SHOX2: variants seen among roughly 807,000 people sequenced by gnomAD.
SHOX2 encodes the protein short stature homeobox protein 2.
SHOX2 carries 13 observed loss-of-function variants against 31.3 expected under a neutral mutation model. That is an observed-to-expected ratio of 0.42 (90% confidence interval 0.27 to 0.66). The LOEUF (loss-of-function observed/expected upper bound fraction) is 0.66. SHOX2 is among the 30% of genes least tolerant of loss of function. SHOX2 has a pLI of 0.27. For missense variants in SHOX2, 473 were observed against 443.0 expected, an observed-to-expected ratio of 1.07 and a Z score of -0.61; for synonymous variants, 244 against 196.2, an observed-to-expected ratio of 1.24 and a Z score of -2.04.
Position 158,105,732 on chromosome 3 carries a change from T to G in SHOX2, c.293A>C (p.Asp98Ala), listed in dbSNP as rs994944733. 2.6e-6 allele frequency: 4 copies of G among 1,525,052 alleles called. No homozygotes were observed. In the African/African-American group the frequency reaches 4.3e-5, roughly 16 times the overall value. The allele number at this position is 1,525,052 out of a possible 1,614,324, so 94.5% of individuals were successfully genotyped here. Residue 98 changes from aspartate (D) to alanine (A), a missense_variant, in exon 1 of 5, where the codon GAC becomes GCC. By Grantham distance (126) the Asp-to-Ala change is moderately radical. Coordinates refer to ENST00000483851, the MANE Select transcript of SHOX2 (RefSeq NM_001163678.2). ...CCTGCTTCTCTCGGCGGCGCCCATGTCCAGCTCCCGGACGGGAGAGCGCCC... is the reference window on the plus strand; with the variant it reads ...CCTGCTTCTCTCGGCGGCGCCCATGGCCAGCTCCCGGACGGGAGAGCGCCC... ...GGGRSPVRELDMGAAERSREP... is the reference protein window; with the variant it reads ...GGGRSPVRELAMGAAERSREP...
rs549021288 is a variant in SHOX2 at position 158,102,964 on chromosome 3, ACAG to A, written c.347-81_347-79del. On this transcript the variant is annotated intron_variant, in intron 1 of 4. Coordinates refer to ENST00000483851, the MANE Select transcript of SHOX2 (RefSeq NM_001163678.2). ...CACACGCACACACACACGGACGAAA[ACAG>A]CACAGCAAATCCTGTTACCAGATTT... 2,530 of 1,260,770 alleles carry A rather than the reference ACAG, an allele frequency of 2.0e-3. 2 individuals carry two copies. The highest frequency in any genetic ancestry group is 2.6e-3 in the Non-Finnish European group (2,225 of 866,642). 78.1% of individuals were successfully genotyped at this position (1,260,770 alleles called of 1,614,324 possible).
At chr3:158,100,830 G>A (rs925514200) in intron 2 of SHOX2, among the ~76,000 whole-genome samples, 5 of 152,214 alleles carry the variant, frequency 3.3e-5, no homozygotes, top group Non-Finnish European at 7.3e-5. Context: ...CTGCTGTGCA[G>A]CAGAGTGAAA....
intron 1 of SHOX2, chr3:158,103,682 C>T (rs951760115): frequency 3.9e-5 from 6 of 152,312 alleles, no homozygotes; most frequent in Admixed American, 3.9e-4. Context: ...GGCGGAAAAC[C>T]AGCCTCCGGT....
chr3:158,103,423 C>T (rs1713641819), intron 1 of SHOX2: 1 of 182,038 alleles, frequency 5.5e-6, no homozygotes, highest in South Asian at 1.1e-4. Context: ...ACTTGCTGGT[C>T]TAATTTAGGA....
intron 1 of SHOX2, chr3:158,105,355 G>A: frequency 1.7e-6 from 1 of 590,760 alleles, no homozygotes; most frequent in Non-Finnish European, 3.0e-6. Flanking sequence ...TTCCACGTCC[G>A]CCTGCGGGCC....
Position 158,105,749 on chromosome 3 carries a change from A to G in SHOX2, c.276T>C (p.Ser92=), listed in dbSNP as rs575269948. The change falls in exon 1 of 5, where the codon TCT becomes TCC. Residue 92 remains serine (S), a synonymous_variant. Coordinates refer to ENST00000483851, the MANE Select transcript of SHOX2 (RefSeq NM_001163678.2). ...CGCCCATGTCCAGCTCCCGGACGGG[A>G]GAGCGCCCTCCTCCAGCTCCTCCGC... ...GAGGGAGGGR[S]PVRELDMGAA... 17 of 1,521,824 alleles carry G rather than the reference A, an allele frequency of 1.1e-5. No individual in the cohort carries two copies. In the South Asian group the frequency reaches 2.1e-4, roughly 18 times the overall value. 94.3% of individuals were successfully genotyped at this position (1,521,824 alleles called of 1,614,324 possible).
At chr3:158,099,011 C>G (rs1713312903) in intron 4 of SHOX2, among the ~76,000 whole-genome samples, 1 of 152,164 alleles carries the variant, frequency 6.6e-6, no homozygotes, top group Non-Finnish European at 1.5e-5. Flanking sequence ...ATGCCAGAGT[C>G]CTGTGGCACC....
chr3:158,096,763 TG>T lies in SHOX2; in HGVS notation c.*1263del, dbSNP rs1459280188. 2.6e-5 allele frequency: 4 copies of T among 151,880 alleles called. No homozygotes were observed. The highest frequency in any genetic ancestry group is 9.7e-5 in the African/African-American group (4 of 41,300). The allele number at this position is 151,880 out of a possible 1,614,324, so 9.4% of individuals were successfully genotyped here. A position where few individuals can be genotyped will look rare whatever the true frequency, so the allele number is the denominator to read the frequency against. On this transcript the variant is annotated 3_prime_UTR_variant, in exon 5 of 5. Coordinates refer to ENST00000483851, the MANE Select transcript of SHOX2 (RefSeq NM_001163678.2). ...GGCGCTGTACCTTCATTATTTCATT[TG>T]GTGGTCTTGTTTTCTTTTTCCTTTC...
chr3:158,103,068 T>A, intron 1 of SHOX2, 182 bp from the exon 2 acceptor site: 1 of 663,624 alleles, frequency 1.5e-6, no homozygotes, highest in South Asian at 1.8e-5. Flanking sequence ...GGAGGAAGAA[T>A]ATCCCGGAGA....
At chr3:158,105,111 T>G (rs1436220105) in intron 1 of SHOX2, 7 of 1,441,634 alleles carry the variant, frequency 4.9e-6, no homozygotes, top group Non-Finnish European at 6.5e-6. Context: ...GACCTCAGCT[T>G]TCGTTGGCTT....
Position 158,098,223 on chromosome 3 carries a change from T to G in SHOX2, c.764A>C (p.His255Pro), listed in dbSNP as rs1387600715. 3.1e-6 allele frequency: 5 copies of G among 1,613,786 alleles called. No individual in the cohort carries two copies. Among genetic ancestry groups the G allele is most frequent in the African/African-American group, 2.7e-5 (2 of 74,928 alleles). ...VAHAHHHLHP[H>P]LAAHAPYMMF... ...CATGTAGGGCGCGTGCGCGGCCAGG[T>G]GCGGATGCAGGTGGTGGTGCGCGTG... is the stretch of plus-strand genomic sequence containing the variant. The change falls in exon 5 of 5, where the codon CAC (histidine) becomes CCC (proline). Residue 255 changes from histidine (H) to proline (P), a missense_variant. This residue lies in a region of SHOX2 where 182 missense variants were observed against 167.2 expected (regional missense o/e 1.09). Coordinates refer to ENST00000483851, the MANE Select transcript of SHOX2 (RefSeq NM_001163678.2).
chr3:158,102,566 C>T, intron 2 of SHOX2, 112 bp downstream of exon 2: 1 of 816,926 alleles, frequency 1.2e-6, no homozygotes, highest in South Asian at 1.5e-5. Context: ...CTTTCCTTCT[C>T]ATCTTACACC....
rs770891499 is a variant in SHOX2 at position 158,098,129 on chromosome 3, C to A, written c.858G>T (p.Ser286=). 4.3e-6 allele frequency: 7 copies of A among 1,613,328 alleles called. 1 individual carries two copies. The highest frequency in any genetic ancestry group is 1.7e-4 in the Middle Eastern group (1 of 6,038). ...TLAADSASAA[S]VVAAAAAAKT... ...TGGCGGCTGCTGCGGCCGCCACTAC[C>A]GAGGCGGCGGAAGCCGAATCCGCGG... The change falls in exon 5 of 5, where the codon TCG becomes TCT. Residue 286 remains serine, a synonymous_variant. Coordinates refer to ENST00000483851, the MANE Select transcript of SHOX2 (RefSeq NM_001163678.2).
At chr3:158,103,341 A>C in intron 1 of SHOX2, 1 of 220,092 alleles carries the variant, frequency 4.5e-6, no homozygotes, top group Admixed American at 5.3e-5. Flanking sequence ...GGCCTCTCAC[A>C]CCGGCCATTC....
chr3:158,106,373 G>T lies in SHOX2; in HGVS notation c.-349C>A. ...CCCTGCCGGAGCGCGCTTGTTCAAT[G>T]TTAAGATCTTTGACAATTCTTCCTG... On this transcript the variant is annotated 5_prime_UTR_variant, in exon 1 of 5. Transcript: ENST00000483851. 1 of 324,802 alleles carries T rather than the reference G, an allele frequency of 3.1e-6. No individual in the cohort carries two copies. The highest frequency in any genetic ancestry group is 5.7e-6 in the Non-Finnish European group (1 of 175,984). 20.1% of individuals were successfully genotyped at this position (324,802 alleles called of 1,614,324 possible).
Position 158,106,231 on chromosome 3 carries a change from A to C in SHOX2, c.-207T>G, listed in dbSNP as rs1004245373. 5.3e-6 allele frequency: 4 copies of C among 756,118 alleles called. No individual in the cohort carries two copies. Among genetic ancestry groups the C allele is most frequent in the Non-Finnish European group, 6.0e-6 (3 of 502,766 alleles). The allele number at this position is 756,118 out of a possible 1,614,324, so 46.8% of individuals were successfully genotyped here. ...GAGAAGTAGAAGGAGAAAAAGAAGT[A>C]AGAAGAGGAGGAGGAGGAAGAAGAG... On this transcript the variant is annotated 5_prime_UTR_variant, in exon 1 of 5. Transcript: ENST00000483851.
chr3:158,101,540 A>G (rs1203609174), intron 2 of SHOX2, among the ~76,000 whole-genome samples: 1 of 152,202 alleles, frequency 6.6e-6, no homozygotes, highest in African/African-American at 2.4e-5. Context: ...TGATGCTGTG[A>G]TGACCAAGGC....
intron 1 of SHOX2, chr3:158,105,223 C>T: frequency 2.6e-6 from 2 of 755,878 alleles, no homozygotes; most frequent in Admixed American, 4.2e-5. Flanking sequence ...AACACCTAGG[C>T]GACCGGAGGG....
At chr3:158,099,352 A>T (rs1713338430) in intron 4 of SHOX2, among the ~76,000 whole-genome samples, 1 of 152,258 alleles carries the variant, frequency 6.6e-6, no homozygotes, top group South Asian at 2.1e-4. Flanking sequence ...TTCTCTCTTT[A>T]CCAGAGATGA....
Sources: allele counts gnomAD v4.1 joint callset (sites outside exome capture counted in the v4.1 genomes callset), GRCh38; gene constraint gnomAD v4.1.1; regional missense constraint gnomAD v4.1.1; transcripts MANE v1.5; gene names NCBI Gene and HGNC (gene_info 2026-07-23, HGNC 2026-07-21).